Variants in CCDC73 observed in about 807,000 individuals in gnomAD.
The protein encoded by CCDC73 is coiled-coil domain-containing protein 73.
Under a neutral mutation model 116.5 loss-of-function variants are expected in CCDC73, and 95 were observed. The ratio of observed to expected loss-of-function variants is 0.82; its 90% CI spans 0.69 to 0.97. The LOEUF (loss-of-function observed/expected upper bound fraction) is 0.97, where lower values mean the gene tolerates loss of function less well. CCDC73 is among the 50% of genes least tolerant of loss of function. The pLI, the probability that CCDC73 is intolerant of heterozygous loss-of-function variation, is 0.00. For synonymous variants in CCDC73, 398 were observed against 401.3 expected, an observed-to-expected ratio of 0.99 and a Z score of 0.10; for missense variants, 1,066 against 1,206.8, an observed-to-expected ratio of 0.88 and a Z score of 1.73.
At chr11:32,659,914 GAA>G (rs1412794291) in intron 9 of CCDC73, among the ~76,000 whole-genome samples, 5 of 152,094 alleles carry the variant, frequency 3.3e-5, no homozygotes, top group Non-Finnish European at 5.9e-5. Flanking sequence ...TCATTAAAGA[GAA>G]AGAAAATGTT....
intron 9 of CCDC73, among the ~76,000 whole-genome samples, chr11:32,673,450 A>C (rs918567685): frequency 2.6e-5 from 4 of 152,146 alleles, no homozygotes; most frequent in Admixed American, 1.3e-4. Flanking sequence ...TAAAGGTATA[A>C]ATGCTTCAAT....
At chr11:32,830,404 C>T in the CCDC73 span, 1 of 1,015,890 alleles carries the variant, frequency 9.8e-7, no homozygotes, top group Non-Finnish European at 1.3e-6. Flanking sequence ...GGCGCTCTTG[C>T]GCCTAGGCTT....
intron 14 of CCDC73, among the ~76,000 whole-genome samples, chr11:32,630,246 T>C (rs960870449): frequency 6.6e-6 from 1 of 152,226 alleles, no homozygotes; most frequent in Non-Finnish European, 1.5e-5. Flanking sequence ...GTATACACGA[T>C]AAATTAAACT....
intron 5 of CCDC73, among the ~76,000 whole-genome samples, chr11:32,700,584 C>T (rs965455450): frequency 2.6e-5 from 4 of 152,142 alleles, no homozygotes; most frequent in African/African-American, 9.7e-5. Context: ...ATATTCTGAA[C>T]TGTAAATGAT....
At chr11:32,778,677 TG>T (rs1324670570) in intron 1 of CCDC73, among the ~76,000 whole-genome samples, 1 of 152,012 alleles carries the variant, frequency 6.6e-6, no homozygotes, top group Non-Finnish European at 1.5e-5. Flanking sequence ...CCAGACATGG[TG>T]GCAGGCGCCT....
At chr11:32,830,252 G>T in the CCDC73 span, 1 of 1,039,520 alleles carries the variant, frequency 9.6e-7, no homozygotes, top group Non-Finnish European at 1.2e-6. Flanking sequence ...GGTTGGATTC[G>T]AACACATAGC....
chr11:32,824,417 A>T, the CCDC73 span, among the ~76,000 whole-genome samples: 2 of 152,252 alleles, frequency 1.3e-5, no homozygotes, highest in Non-Finnish European at 2.9e-5. Context: ...TTAGAAAATT[A>T]CTTAAATAGA....
intron 2 of CCDC73, among the ~76,000 whole-genome samples, chr11:32,735,182 G>A (rs1850117545): frequency 6.6e-6 from 1 of 152,088 alleles, no homozygotes; most frequent in Non-Finnish European, 1.5e-5. Flanking sequence ...CAATCAGACA[G>A]GAGAAAGAAA....
chr11:32,790,517 G>A (rs1850665538), intron 1 of CCDC73, among the ~76,000 whole-genome samples: 2 of 152,072 alleles, frequency 1.3e-5, no homozygotes, highest in Non-Finnish European at 1.5e-5. Flanking sequence ...AAAGCCTTGA[G>A]AGCATAGTGA....
chr11:32,669,587 A>C (rs1543420), intron 9 of CCDC73, among the ~76,000 whole-genome samples: 84,978 of 149,018 alleles, frequency 0.57, 24,639 homozygotes, highest in East Asian at 0.84. Flanking sequence ...CATTAACCAC[A>C]CCCATCTTCC....
chr11:32,738,030 T>C (rs190379180), intron 2 of CCDC73, among the ~76,000 whole-genome samples: 23 of 152,340 alleles, frequency 1.5e-4, no homozygotes, highest in African/African-American at 5.5e-4. Flanking sequence ...AAGATCTCAT[T>C]CTTCTTTATG....
At chr11:32,669,299 CT>C (rs1856014807) in intron 9 of CCDC73, among the ~76,000 whole-genome samples, 1 of 151,860 alleles carries the variant, frequency 6.6e-6, no homozygotes, top group South Asian at 2.1e-4. Context: ...AAAAGGAAAT[CT>C]TTTATGCTCA....
intron 1 of CCDC73, among the ~76,000 whole-genome samples, chr11:32,762,641 G>C (rs978496914): frequency 6.6e-6 from 1 of 152,124 alleles, no homozygotes; most frequent in African/African-American, 2.4e-5. Flanking sequence ...AGAGGAGAAA[G>C]ATGGCCAAAT....
At chr11:32,737,793 A>G (rs954967713) in intron 2 of CCDC73, among the ~76,000 whole-genome samples, 3 of 148,602 alleles carry the variant, frequency 2.0e-5, no homozygotes, top group Admixed American at 6.7e-5. Flanking sequence ...ATTCAGTCTT[A>G]TTTTTTTTTG....
intron 6 of CCDC73, among the ~76,000 whole-genome samples, chr11:32,697,902 C>T (rs1036549100): frequency 4.6e-5 from 7 of 151,682 alleles, no homozygotes; most frequent in African/African-American, 1.7e-4. Context: ...ATTTCATCAC[C>T]CAGGTAATAA....
At chr11:32,734,788 G>A (rs1850113535) in intron 2 of CCDC73, among the ~76,000 whole-genome samples, 1 of 152,100 alleles carries the variant, frequency 6.6e-6, no homozygotes. Flanking sequence ...CTGGCAAACC[G>A]AATCCAGCAG....
intron 1 of CCDC73, among the ~76,000 whole-genome samples, chr11:32,791,985 CACACAT>C (rs1168755867): frequency 1.0e-5 from 1 of 99,028 alleles, no homozygotes; most frequent in Non-Finnish European, 2.2e-5. Context: ...ACCACACACA[CACACAT>C]ACACACACAC....
At chr11:32,805,053 A>G in the CCDC73 span, among the ~76,000 whole-genome samples, 2 of 152,248 alleles carry the variant, frequency 1.3e-5, no homozygotes, top group Non-Finnish European at 2.9e-5. Context: ...AAGTAGTTCT[A>G]TCTCTGCAAT....
intron 3 of CCDC73, among the ~76,000 whole-genome samples, chr11:32,710,693 A>G (rs1398032045): frequency 3.9e-5 from 6 of 152,224 alleles, no homozygotes; most frequent in African/African-American, 1.4e-4. Flanking sequence ...TAAATATACG[A>G]TAAGTCCATT....
Sources: allele counts gnomAD v4.1 joint callset (sites outside exome capture counted in the v4.1 genomes callset), GRCh38; gene constraint gnomAD v4.1.1; transcripts MANE v1.5; gene names NCBI Gene and HGNC (gene_info 2026-07-23, HGNC 2026-07-21).